Variants in ITPR1 observed in about 807,000 individuals in gnomAD.
ITPR1 encodes inositol 1,4,5-trisphosphate receptor type 1.
Under a neutral mutation model 318.4 loss-of-function variants are expected in ITPR1, and 96 were observed. The ratio of observed to expected loss-of-function variants is 0.30; its 90% CI spans 0.26 to 0.36. The LOEUF (loss-of-function observed/expected upper bound fraction) is 0.36, where lower values mean the gene tolerates loss of function less well. ITPR1 is among the 10% of genes least tolerant of loss of function. The pLI, the probability that ITPR1 is intolerant of heterozygous loss-of-function variation, is 1.00. For missense variants in ITPR1, 2,440 were observed against 3,460.2 expected (o/e 0.71, Z 7.40); for synonymous variants, 1,312 against 1,289.9 (o/e 1.02, Z -0.37).
At chr3:4,603,922 C>A (rs2091498325) in intron 4 of ITPR1, among the ~76,000 whole-genome samples, 1 of 152,174 alleles carries the variant, frequency 6.6e-6, no homozygotes, top group African/African-American at 2.4e-5. Context: ...CTCCAAACTG[C>A]TGAACTAATT....
chr3:4,654,071 T>C (rs1373980976), intron 12 of ITPR1, among the ~76,000 whole-genome samples, 185 bp downstream of exon 12: 2 of 152,184 alleles, frequency 1.3e-5, no homozygotes, highest in African/African-American at 4.8e-5. Flanking sequence ...TGTGTCTCGA[T>C]TGGTCCAGGG....
chr3:4,584,616 C>T (rs1207438128), intron 4 of ITPR1, among the ~76,000 whole-genome samples: 6 of 151,292 alleles, frequency 4.0e-5, no homozygotes, highest in Non-Finnish European at 7.4e-5. Flanking sequence ...GGGAGGGGGC[C>T]GAAGGAAACG....
chr3:4,749,542 A>G (rs1360209248), intron 44 of ITPR1: 6 of 152,144 alleles, frequency 3.9e-5, no homozygotes, highest in Admixed American at 1.3e-4. Context: ...CCTACCTTCC[A>G]CTGCACTTCA....
rs781003386 is a variant in ITPR1 at position 4,779,685 on chromosome 3, A to C, written c.6387+40A>C. ...GGATCTGATGGTAGCACCAAGGAGC[A>C]TTGCGACGATATTTGGGACAGAGCA... On this transcript the variant is annotated intron_variant, in intron 49 of 61. Transcript: ENST00000649015. This position sits in a 1 kb window ranked among gnomAD's most constrained non-coding sequence, Gnocchi z 4.0. 1.4e-6 allele frequency: 2 copies of C among 1,385,542 alleles called. No homozygotes were observed. Among genetic ancestry groups the C allele is most frequent in the East Asian group, 4.6e-5 (2 of 43,180 alleles). The allele number at this position is 1,385,542 out of a possible 1,614,324, so 85.8% of individuals were successfully genotyped here. A position where few individuals can be genotyped will look rare whatever the true frequency, so the allele number is the denominator to read the frequency against.
intron 38 of ITPR1, among the ~76,000 whole-genome samples, chr3:4,711,370 C>A (rs1417892743): frequency 6.6e-6 from 1 of 152,114 alleles, no homozygotes; most frequent in African/African-American, 2.4e-5. Context: ...CAACCATCAT[C>A]CTCATGAGTT....
At chr3:4,821,101 G>C (rs1288513745) in intron 60 of ITPR1, among the ~76,000 whole-genome samples, 1 of 152,242 alleles carries the variant, frequency 6.6e-6, no homozygotes, top group East Asian at 1.9e-4. Flanking sequence ...ACCCCAGGAG[G>C]CTGTAGCTAC....
chr3:4,774,282 G>A (rs1293944740), intron 46 of ITPR1, among the ~76,000 whole-genome samples: 1 of 152,132 alleles, frequency 6.6e-6, no homozygotes, highest in African/African-American at 2.4e-5. Context: ...CTCAATTGGT[G>A]CGCAATTAGG....
intron 20 of ITPR1, 121 bp from the exon 21 acceptor site, chr3:4,673,015 G>A: frequency 9.8e-7 from 1 of 1,023,300 alleles, no homozygotes. Context: ...TAGGGGTGTT[G>A]ATGTATGAGT....
Position 4,846,225 on chromosome 3 carries a change from A to G in ITPR1, c.8277A>G (p.Ter2759=), listed in dbSNP as rs376816678. 2.0e-5 allele frequency: 31 copies of G among 1,542,918 alleles called. No homozygotes were observed. The African/African-American group carries it at 3.3e-4, about 16-fold the overall frequency. The change falls in exon 62 of 62, where the codon TAA becomes TAG. Residue 2759 remains the stop codon, a stop_retained_variant. Coordinates refer to ENST00000649015, the MANE Select transcript of ITPR1 (RefSeq NM_001378452.1). ...ATGTCAACCCACAACAACCAGCATA[A>G]GCAAATGAAAGAAAGGAATTGTATT... The part of the protein sequence containing the change: ...HMNVNPQQPA[*]
intron 44 of ITPR1, among the ~76,000 whole-genome samples, chr3:4,744,665 T>G (rs1245995433): frequency 6.6e-6 from 1 of 152,268 alleles, no homozygotes; most frequent in Non-Finnish European, 1.5e-5. Context: ...CCCTAGGGTT[T>G]GTTTAATCTT....
At chr3:4,526,336 A>G (rs2082975872) in intron 4 of ITPR1, among the ~76,000 whole-genome samples, 1 of 152,236 alleles carries the variant, frequency 6.6e-6, no homozygotes, top group East Asian at 1.9e-4. Context: ...AGGGGATCAG[A>G]CAGACTGAAT....
At chr3:4,768,347 C>T (rs1480012994) in intron 45 of ITPR1, 164 bp from the exon 46 acceptor site, 2 of 762,990 alleles carry the variant, frequency 2.6e-6, no homozygotes, top group Non-Finnish European at 4.1e-6. Context: ...CGGTTTTAAT[C>T]CTGTCTGAGG....
At chr3:4,652,791 G>A (rs879427497) in intron 11 of ITPR1, among the ~76,000 whole-genome samples, 8 of 152,280 alleles carry the variant, frequency 5.3e-5, no homozygotes, top group Admixed American at 5.2e-4. Flanking sequence ...AGGCTGAGGA[G>A]TTCAATATCA....
intron 44 of ITPR1, among the ~76,000 whole-genome samples, chr3:4,745,522 C>T (rs894076800): frequency 1.3e-5 from 2 of 152,226 alleles, no homozygotes; most frequent in Non-Finnish European, 2.9e-5. Context: ...CTCCTACAAA[C>T]GTTTTCCTAG....
intron 3 of ITPR1, among the ~76,000 whole-genome samples, chr3:4,517,654 A>G (rs1387375494): frequency 1.3e-5 from 2 of 152,182 alleles, no homozygotes; most frequent in Non-Finnish European, 1.5e-5. Context: ...GAAGTCATCC[A>G]TGGCTGCCTG....
intron 51 of ITPR1, among the ~76,000 whole-genome samples, chr3:4,787,718 T>C (rs769313921): frequency 1.3e-5 from 2 of 151,752 alleles, no homozygotes; most frequent in Admixed American, 1.3e-4. Context: ...AAAATAAAAA[T>C]TAAAAATAAA....
rs116941807 is a variant in ITPR1 at position 4,771,452 on chromosome 3, C to T, written c.5979+2688C>T. Among the ~76,000 whole-genome samples, 215 of 152,354 alleles carry T rather than the reference C, an allele frequency of 1.4e-3. 2 individuals are homozygous for T. The East Asian group carries it at 0.032, about 23-fold the overall frequency. The stretch of plus-strand genomic sequence containing the variant: ...GTGGTATGGGCCTGCTCCGCCTTCC[C>T]TCTCTCCCTGACCTTCCCTCCCTCG... On this transcript the variant is annotated intron_variant, in intron 46 of 61. Transcript: ENST00000649015.
intron 4 of ITPR1, among the ~76,000 whole-genome samples, chr3:4,601,555 T>A (rs1231217549): frequency 6.7e-6 from 1 of 150,308 alleles, no homozygotes; most frequent in African/African-American, 2.4e-5. Flanking sequence ...AAAAGTTAAC[T>A]CAAAATGAAT....
At chr3:4,517,660 G>T (rs2082266483) in intron 3 of ITPR1, among the ~76,000 whole-genome samples, 1 of 152,208 alleles carries the variant, frequency 6.6e-6, no homozygotes, top group Non-Finnish European at 1.5e-5. Context: ...ATCCATGGCT[G>T]CCTGATCACC....
Sources: gnomAD v4.1 joint callset for allele counts (sites outside exome capture counted in the v4.1 genomes callset) on GRCh38, gnomAD v4.1.1 for gene constraint, Gnocchi (gnomAD v3.1) non-coding constraint, MANE v1.5 for transcripts, NCBI Gene and HGNC (gene_info 2026-07-23, HGNC 2026-07-21) for gene names.